The following CYTH1 variants were observed in gnomAD, a reference collection of about 807,000 sequenced individuals.
CYTH1 encodes cytohesin 1, also known as cytohesin-1.
A neutral mutation model predicts 61.8 loss-of-function variants in CYTH1; 18 were observed. That is an observed-to-expected ratio of 0.29 (90% CI 0.20 to 0.43). CYTH1 has a LOEUF of 0.43. Ranked by LOEUF, CYTH1 falls within the 20% of genes least tolerant of loss-of-function variation. The pLI, the probability that CYTH1 is intolerant of heterozygous loss-of-function variation, is 1.00. For missense variants in CYTH1, 336 were observed against 510.5 expected (o/e 0.66, Z 3.29); for synonymous variants, 174 against 184.3 (o/e 0.94, Z 0.45).
chr17:78,781,562 C>T (rs917346523), intron 1 of CYTH1, among the ~76,000 whole-genome samples: 10 of 152,092 alleles, frequency 6.6e-5, no homozygotes, highest in Non-Finnish European at 1.0e-4. Context: ...ACCGGACCGG[C>T]GGCTACCGGG....
In CYTH1 at chr17:78,680,213, C is replaced by G; in HGVS notation, c.1095G>C (p.Lys365Asn). The G allele has an allele frequency of 6.2e-7, 1 of 1,614,212 alleles. No individual in the cohort carries two copies. Among genetic ancestry groups the G allele is most frequent in the African/African-American group, 1.3e-5 (1 of 75,054 alleles). Residue 365 changes from lysine (K) to asparagine (N), a missense_variant, in exon 13 of 14, where the codon AAG becomes AAC. Lys to Asn is a moderately conservative substitution (Grantham distance 94). Around this residue, in one of 4 missense-constraint regions of CYTH1, gnomAD observed 83 missense variants for 115.6 expected, o/e 0.72. Transcript: ENST00000446868. ...ACTTAATGCACTTAATCCACTCCTC[C>G]TTCTCCTCGGGCGTCGGAGCTGAGA... is the stretch of plus-strand genomic sequence containing the variant. Reference protein sequence around the residue: ...YRISAPTPEEKEEWIKCIKAA... With the variant: ...YRISAPTPEENEEWIKCIKAA...
intron 1 of CYTH1, among the ~76,000 whole-genome samples, chr17:78,777,990 C>T (rs1391889167): frequency 6.6e-6 from 1 of 152,036 alleles, no homozygotes; most frequent in Non-Finnish European, 1.5e-5. Context: ...AAATGTTTCT[C>T]ATTATTCTGA....
rs1356496237 is a variant in CYTH1, at chr17:78,675,934, C to T, written c.*157G>A. On this transcript the variant is annotated 3_prime_UTR_variant, in exon 14 of 14. Transcript: ENST00000446868. Reference sequence around the variant, plus strand: ...CCAGTGATAACTGCCCACCCTTCTCCCACTTAAAAAAAATAGCAAAAGCTG... The same window carrying T: ...CCAGTGATAACTGCCCACCCTTCTCTCACTTAAAAAAAATAGCAAAAGCTG... 4 of 1,546,368 alleles carry T rather than the reference C, an allele frequency of 2.6e-6. No individual in the cohort carries two copies. In the African/African-American group the frequency reaches 4.1e-5, roughly 16 times the overall value.
At position 78,778,313 on chromosome 17, in the gene CYTH1, AAAAAAAAG is replaced by A. The variant is rs1278751097; in HGVS notation, c.22+3881_22+3888del. Among the ~76,000 whole-genome samples the A allele has an allele frequency of 2.9e-4, 43 of 147,578 alleles. 1 individual carries two copies. The highest frequency in any genetic ancestry group is 8.7e-4 in the African/African-American group (35 of 40,234). ...AGACTGTCTCAAAAAAAAAAAAAAA[AAAAAAAAG>A]GGAAAAAAAATTAAGGTTTAAAAAG... is the stretch of plus-strand genomic sequence containing the variant. On this transcript the variant is annotated intron_variant, in intron 1 of 13. Transcript: ENST00000446868.
At chr17:78,712,282 A>C (rs993373791) in intron 1 of CYTH1, among the ~76,000 whole-genome samples, 1 of 152,204 alleles carries the variant, frequency 6.6e-6, no homozygotes, top group Non-Finnish European at 1.5e-5. Context: ...TCCACCATAC[A>C]TAAAAGTATC....
chr17:78,719,438 A>C (rs2093209565), intron 1 of CYTH1, among the ~76,000 whole-genome samples: 1 of 152,212 alleles, frequency 6.6e-6, no homozygotes, highest in Non-Finnish European at 1.5e-5. Flanking sequence ...AGAAAAAAAA[A>C]CAGTCGAGGA....
intron 1 of CYTH1, among the ~76,000 whole-genome samples, chr17:78,715,255 C>T (rs1020037719): frequency 6.6e-6 from 1 of 152,106 alleles, no homozygotes; most frequent in Admixed American, 6.6e-5. Context: ...CTAAAGATAG[C>T]GCAGTGGAAC....
intron 1 of CYTH1, among the ~76,000 whole-genome samples, chr17:78,725,677 G>A (rs1320131837): frequency 6.6e-6 from 1 of 152,176 alleles, no homozygotes; most frequent in African/African-American, 2.4e-5. Flanking sequence ...CCGACAGAGT[G>A]GATCACAGCC....
At chr17:78,739,934 A>ATTT (rs1555612590) in intron 1 of CYTH1, among the ~76,000 whole-genome samples, 11 of 151,950 alleles carry the variant, frequency 7.2e-5, no homozygotes, top group East Asian at 1.9e-4. Context: ...TGGAGCTGCT[A>ATTT]TCTTTTCTTT....
chr17:78,688,495 G>A (rs778915012), intron 11 of CYTH1, among the ~76,000 whole-genome samples: 8 of 152,292 alleles, frequency 5.3e-5, no homozygotes, highest in African/African-American at 9.6e-5. Flanking sequence ...GGTGCTGGCC[G>A]AAAGAGCAAC....
intron 11 of CYTH1, among the ~76,000 whole-genome samples, chr17:78,689,216 C>T (rs2092850025): frequency 6.6e-6 from 1 of 152,140 alleles, no homozygotes; most frequent in African/African-American, 2.4e-5. Context: ...AAGCCTGCCA[C>T]CAGAGGCAGG....
At position 78,700,772 on chromosome 17, in the gene CYTH1, G is replaced by A. The variant is rs1017337055; in HGVS notation, c.438-329C>T. On this transcript the variant is annotated intron_variant, in intron 6 of 13. Transcript: ENST00000446868. This position sits in a 1 kb window ranked among gnomAD's most constrained non-coding sequence, Gnocchi z 5.1. ...ACTCCTGGCCTCAAGTGATCCACCC[G>A]CCTCAGCCTCCCAAAGTGCTGGGAG... Among the ~76,000 whole-genome samples, 15 of 152,160 alleles carry A rather than the reference G, an allele frequency of 9.9e-5. No homozygotes were observed. Among genetic ancestry groups the A allele is most frequent in the South Asian group, 2.1e-4 (1 of 4,822 alleles).
chr17:78,740,892 G>C (rs372671785), intron 1 of CYTH1, among the ~76,000 whole-genome samples: 2 of 152,156 alleles, frequency 1.3e-5, no homozygotes, highest in East Asian at 3.9e-4. Flanking sequence ...TTATTTAAAT[G>C]GAAGCTTTTA....
Position 78,698,262 on chromosome 17 carries a change from C to G in CYTH1, c.811+7G>C, listed in dbSNP as rs377144454. 6.2e-7 allele frequency: 1 copy of G among 1,608,302 alleles called. No homozygotes were observed. Among genetic ancestry groups the G allele is most frequent in the African/African-American group, 1.3e-5 (1 of 74,836 alleles). ...CTTTAGGAGCCCTGACTCAGAGGTG[C>G]GCTTACCGAGTTTCAATAGCCAGCC... On this transcript the variant is annotated splice_region_variant and intron_variant, in intron 9 of 13. Coordinates refer to ENST00000446868, the MANE Select transcript of CYTH1 (RefSeq NM_004762.6).
At chr17:78,742,319 T>C (rs2093344684) in intron 1 of CYTH1, among the ~76,000 whole-genome samples, 1 of 152,222 alleles carries the variant, frequency 6.6e-6, no homozygotes. Flanking sequence ...CCCAGGCCTT[T>C]AGGAGGCTGA....
At chr17:78,744,976 A>G (rs2093354392) in intron 1 of CYTH1, among the ~76,000 whole-genome samples, 1 of 152,228 alleles carries the variant, frequency 6.6e-6, no homozygotes, top group Admixed American at 6.5e-5. Flanking sequence ...TGCATCACAA[A>G]GACTGATCTT....
At chr17:78,676,855 T>C (rs761473052) in intron 13 of CYTH1, 1 of 391,652 alleles carries the variant, frequency 2.6e-6, no homozygotes, top group South Asian at 1.9e-5. Flanking sequence ...CACAACCCTA[T>C]GTCTGCCATT....
intron 1 of CYTH1, among the ~76,000 whole-genome samples, chr17:78,732,149 C>A (rs1310217346): frequency 1.3e-5 from 2 of 152,194 alleles, no homozygotes; most frequent in Non-Finnish European, 2.9e-5. Context: ...ACGCTGCAGG[C>A]TGATAAAGGC....
chr17:78,732,229 C>G (rs1277201530), intron 1 of CYTH1, among the ~76,000 whole-genome samples: 1 of 152,222 alleles, frequency 6.6e-6, no homozygotes, highest in Non-Finnish European at 1.5e-5. Flanking sequence ...ATACTGACAT[C>G]TTAGAAAATT....
Sources: gnomAD v4.1 joint callset for allele counts (sites outside exome capture counted in the v4.1 genomes callset) on GRCh38, gnomAD v4.1.1 for gene constraint, gnomAD v4.1.1 regional missense constraint, Gnocchi (gnomAD v3.1) non-coding constraint, MANE v1.5 for transcripts, NCBI Gene and HGNC (gene_info 2026-07-23, HGNC 2026-07-21) for gene names.